TRIM23: variants seen among roughly 807,000 people sequenced by gnomAD.
The protein encoded by TRIM23 is E3 ubiquitin-protein ligase TRIM23.
TRIM23 carries 27 observed loss-of-function variants against 71.0 expected under a neutral mutation model. The observed-to-expected ratio is 0.38, with a 90% confidence interval of 0.28 to 0.52. TRIM23 has a LOEUF of 0.52. Among genes scored for constraint, TRIM23 ranks in the 20% least tolerant of loss-of-function variants. The pLI, the probability that TRIM23 is intolerant of heterozygous loss-of-function variation, is 0.84. For synonymous variants in TRIM23, 234 were observed against 238.0 expected (o/e 0.98, Z 0.16); for missense variants, 482 against 692.3 (o/e 0.70, Z 3.41).
rs763394082 is a variant in TRIM23 at position 65,590,154 on chromosome 5, A to G, written c.*1615T>C. ...ACCTTAGTGTTACACTTTTTCTTCA[A>G]TTAACTAGTAAACAGTTCAAGTTCT... On this transcript the variant is annotated 3_prime_UTR_variant, in exon 11 of 11. Coordinates refer to ENST00000231524, the MANE Select transcript of TRIM23 (RefSeq NM_001656.4). 39 of 559,472 alleles carry G rather than the reference A, an allele frequency of 7.0e-5. 1 individual carries two copies. Among genetic ancestry groups the G allele is most frequent in the African/African-American group, 1.8e-4 (9 of 51,370 alleles). 34.7% of individuals were successfully genotyped at this position (559,472 alleles called of 1,614,324 possible).
intron 10 of TRIM23, among the ~76,000 whole-genome samples, chr5:65,593,188 A>C (rs1373464399): frequency 2.6e-5 from 4 of 152,152 alleles, no homozygotes; most frequent in Non-Finnish European, 5.9e-5. Flanking sequence ...TAATCCCAGC[A>C]CTTTGGGAGG....
At chr5:65,620,646 C>T (rs1754907866) in intron 1 of TRIM23, among the ~76,000 whole-genome samples, 1 of 151,876 alleles carries the variant, frequency 6.6e-6, no homozygotes, top group Non-Finnish European at 1.5e-5. Flanking sequence ...ACACCAGTAA[C>T]ATTGGAACAC....
intron 7 of TRIM23, 110 bp from the exon 8 acceptor site, chr5:65,597,290 G>A: frequency 8.9e-7 from 1 of 1,120,382 alleles, no homozygotes; most frequent in South Asian, 1.5e-5. Flanking sequence ...ATTGCAATCT[G>A]AATTGTATTC....
chr5:65,595,925 A>C (rs1754190417), intron 9 of TRIM23, among the ~76,000 whole-genome samples: 1 of 152,174 alleles, frequency 6.6e-6, no homozygotes, highest in African/African-American at 2.4e-5. Context: ...ACCTATGTAG[A>C]GTATAGATAT....
In TRIM23 at chr5:65,591,680, C is replaced by T; in HGVS notation, c.*89G>A. On this transcript the variant is annotated 3_prime_UTR_variant, in exon 11 of 11. Transcript: ENST00000231524. ...ATATATATATATGCATCCTAAATTA[C>T]CATCTTTTGAGATGTATAATTTCTT... The T allele has an allele frequency of 9.2e-7, 1 of 1,087,230 alleles. No individual in the cohort carries two copies. Among genetic ancestry groups the T allele is most frequent in the East Asian group, 3.1e-5 (1 of 32,132 alleles). 67.3% of individuals were successfully genotyped at this position (1,087,230 alleles called of 1,614,324 possible).
chr5:65,598,205 T>C (rs1351737914), intron 7 of TRIM23, among the ~76,000 whole-genome samples: 2 of 152,198 alleles, frequency 1.3e-5, no homozygotes, highest in African/African-American at 4.8e-5. Flanking sequence ...GCTCCAAATC[T>C]ATACTTAAGT....
Position 65,590,784 on chromosome 5 carries a change from G to A in TRIM23, c.*985C>T. The A allele has an allele frequency of 2.0e-6, 2 of 985,074 alleles. No individual in the cohort carries two copies. The highest frequency in any genetic ancestry group is 1.2e-6 in the Non-Finnish European group (1 of 829,826). 61.0% of individuals were successfully genotyped at this position (985,074 alleles called of 1,614,324 possible). ...GTCAAAATAAATGCACTTATTTTGGGAAACAGTTTGAAGTAAGTAATAAGC... is the reference window on the plus strand; with the variant it reads ...GTCAAAATAAATGCACTTATTTTGGAAAACAGTTTGAAGTAAGTAATAAGC... On this transcript the variant is annotated 3_prime_UTR_variant, in exon 11 of 11. Transcript: ENST00000231524.
At chr5:65,620,498 A>G (rs1326616268) in intron 1 of TRIM23, among the ~76,000 whole-genome samples, 1 of 152,224 alleles carries the variant, frequency 6.6e-6, no homozygotes, top group Non-Finnish European at 1.5e-5. Context: ...TTTTTCATAT[A>G]TACACAGAAT....
intron 5 of TRIM23, among the ~76,000 whole-genome samples, chr5:65,610,613 C>T (rs1754624380): frequency 6.6e-6 from 1 of 152,192 alleles, no homozygotes; most frequent in African/African-American, 2.4e-5. Flanking sequence ...CTCTGACCTC[C>T]ATAAATCATT....
intron 7 of TRIM23, among the ~76,000 whole-genome samples, chr5:65,597,531 C>T (rs1349335780): frequency 1.3e-5 from 2 of 152,132 alleles, no homozygotes; most frequent in African/African-American, 4.8e-5. Context: ...CTGCTCAATT[C>T]CCAGAAATTT....
At position 65,590,444 on chromosome 5, in the gene TRIM23, AGTGCT is replaced by A; in HGVS notation, c.*1320_*1324del. ...AGATTTGAAAAGAATGAACCACAAC[AGTGCT>A]ACCAAAAAGTCACATCTTGTTACCA... On this transcript the variant is annotated 3_prime_UTR_variant, in exon 11 of 11. Transcript: ENST00000231524. 4 of 1,314,542 alleles carry A rather than the reference AGTGCT, an allele frequency of 3.0e-6. No homozygotes were observed. Among genetic ancestry groups the A allele is most frequent in the Non-Finnish European group, 3.9e-6 (4 of 1,023,628 alleles). 81.4% of individuals were successfully genotyped at this position (1,314,542 alleles called of 1,614,324 possible). A position where few individuals can be genotyped will look rare whatever the true frequency, so the allele number is the denominator to read the frequency against.
At chr5:65,623,260 T>C (rs1754998943) in intron 1 of TRIM23, among the ~76,000 whole-genome samples, 1 of 152,194 alleles carries the variant, frequency 6.6e-6, no homozygotes, top group South Asian at 2.1e-4. Context: ...AAATAACTTC[T>C]GGTAATTCCT....
intron 2 of TRIM23, among the ~76,000 whole-genome samples, chr5:65,615,509 C>T (rs1754755153): frequency 1.4e-5 from 2 of 138,102 alleles, no homozygotes; most frequent in Non-Finnish European, 3.1e-5. Flanking sequence ...CTGCAGGGCC[C>T]CCCTTCCTCC....
chr5:65,616,876 C>G (rs1180698327), intron 2 of TRIM23, among the ~76,000 whole-genome samples: 1 of 151,822 alleles, frequency 6.6e-6, no homozygotes, highest in East Asian at 2.0e-4. Context: ...CATCCACCAC[C>G]ATGCCTAGCT....
intron 6 of TRIM23, 38 bp downstream of exon 6, chr5:65,609,205 C>A (rs753112936): frequency 1.2e-6 from 2 of 1,601,994 alleles, no homozygotes; most frequent in South Asian, 2.2e-5. Flanking sequence ...TCTACTTAAA[C>A]TTACAACTAA....
chr5:65,596,865 C>CT (rs1162414407), intron 8 of TRIM23, among the ~76,000 whole-genome samples, 186 bp downstream of exon 8: 6 of 152,080 alleles, frequency 3.9e-5, no homozygotes, highest in Non-Finnish European at 8.8e-5. Flanking sequence ...TCTGTTTCTT[C>CT]TTTTTATCCC....
chr5:65,610,173 T>C (rs1199968656), intron 5 of TRIM23, among the ~76,000 whole-genome samples: 1 of 152,230 alleles, frequency 6.6e-6, no homozygotes, highest in Non-Finnish European at 1.5e-5. Context: ...TCTCTAGTAT[T>C]TTAACTAGAA....
In TRIM23 at chr5:65,590,535, G is replaced by A. The variant is rs1753990375; in HGVS notation, c.*1234C>T. The A allele has an allele frequency of 2.8e-6, 3 of 1,070,098 alleles. No individual in the cohort carries two copies. The highest frequency in any genetic ancestry group is 3.4e-6 in the Non-Finnish European group (3 of 881,354). The allele number at this position is 1,070,098 out of a possible 1,614,324, so 66.3% of individuals were successfully genotyped here. A position where few individuals can be genotyped will look rare whatever the true frequency, so the allele number is the denominator to read the frequency against. ...ATTTAAGATTTAACTTCATCCTAAT[G>A]TATCAGAACATTAAAAAAAAAAAAG... On this transcript the variant is annotated 3_prime_UTR_variant, in exon 11 of 11. Coordinates refer to ENST00000231524, the MANE Select transcript of TRIM23 (RefSeq NM_001656.4).
chr5:65,612,740 A>C (rs1754686092), intron 3 of TRIM23, among the ~76,000 whole-genome samples: 1 of 152,180 alleles, frequency 6.6e-6, no homozygotes, highest in African/African-American at 2.4e-5. Flanking sequence ...AATCACTTGA[A>C]GCCAGGAAGT....
Sources: gnomAD v4.1 joint callset for allele counts (sites outside exome capture counted in the v4.1 genomes callset) on GRCh38, gnomAD v4.1.1 for gene constraint, MANE v1.5 for transcripts, NCBI Gene and HGNC (gene_info 2026-07-23, HGNC 2026-07-21) for gene names.